NHSL1: variants seen among roughly 807,000 people sequenced by gnomAD.
NHSL1 encodes the protein NHS like 1, also known as NHS-like protein 1.
In NHSL1, 48 loss-of-function variants were observed where a neutral mutation model predicts 95.0. That is an observed-to-expected ratio of 0.51 (90% confidence interval 0.40 to 0.64). The LOEUF is 0.64. Among genes scored for constraint, NHSL1 ranks in the 30% least tolerant of loss-of-function variants. The pLI, the probability that NHSL1 is intolerant of heterozygous loss-of-function variation, is 0.00. For synonymous variants in NHSL1, 783 were observed against 833.9 expected, an observed-to-expected ratio of 0.94 and a Z score of 1.05; for missense variants, 1,971 against 2,077.7, an observed-to-expected ratio of 0.95 and a Z score of 1.00.
At chr6:138,591,855 A>T (rs992296824) in intron 1 of NHSL1, among the ~76,000 whole-genome samples, 1 of 152,144 alleles carries the variant, frequency 6.6e-6, no homozygotes, top group Non-Finnish European at 1.5e-5. Flanking sequence ...CATGCTGTGG[A>T]CACACACTCT....
chr6:138,528,200 T>A (rs1323949669), intron 1 of NHSL1, among the ~76,000 whole-genome samples: 6 of 152,192 alleles, frequency 3.9e-5, no homozygotes, highest in African/African-American at 9.7e-5. Context: ...CAAGATTTTA[T>A]TTCTTGTATT....
intron 1 of NHSL1, among the ~76,000 whole-genome samples, chr6:138,663,172 T>G (rs1468554036): frequency 6.6e-6 from 1 of 152,098 alleles, no homozygotes; most frequent in Non-Finnish European, 1.5e-5. Context: ...TAATGTATAG[T>G]TAGTAACAGC....
In NHSL1 at chr6:138,541,224, G is replaced by A. The variant is rs942524239; in HGVS notation, c.16+4399C>T. On this transcript the variant is annotated intron_variant, in intron 1 of 4. Coordinates refer to the NHSL1 transcript ENST00000342260. The stretch of plus-strand genomic sequence containing the variant: ...TCTAATAAAAATACAAAAATTAGCC[G>A]GACAAGGTGGTGTATGCCTGTAGTC... 6.6e-5 allele frequency among the ~76,000 whole-genome samples: 10 copies of A among 152,080 alleles called. No individual in the cohort carries two copies. The East Asian group carries it at 7.7e-4, about 12-fold the overall frequency.
Position 138,655,701 on chromosome 6 carries a change from CA to C in NHSL1, c.96+36774del, listed in dbSNP as rs901474901. 5.5e-4 allele frequency among the ~76,000 whole-genome samples: 83 copies of C among 152,084 alleles called. 1 individual carries two copies. Among genetic ancestry groups the C allele is most frequent in the African/African-American group, 1.9e-3 (79 of 41,406 alleles). On this transcript the variant is annotated intron_variant, in intron 1 of 3. Transcript: ENST00000491526. Reference sequence around the variant, plus strand: ...CTTTGAAACTAAAAAAAAATTTCAGCAAAGCCACATGAAGTACTACCACTTT... The same window carrying C: ...CTTTGAAACTAAAAAAAAATTTCAGCAAGCCACATGAAGTACTACCACTTT...
Position 138,455,507 on chromosome 6 carries a change from A to G in NHSL1, c.340-8314T>C, listed in dbSNP as rs7773494. Among the ~76,000 whole-genome samples, 272 of 72,580 alleles carry G rather than the reference A, an allele frequency of 3.7e-3. 4 individuals are homozygous for G. The highest frequency in any genetic ancestry group is 1.0e-2 in the African/African-American group (133 of 13,350). The allele number at this position is 72,580 out of a possible 152,430, so 47.6% of individuals were successfully genotyped here. A position where few individuals can be genotyped will look rare whatever the true frequency, so the allele number is the denominator to read the frequency against. ...GCTCCCTGCAAGGAGCCCCGCCTTCACATGCTCCCTGCAAGGAGCCCCGCC... is the reference window on the plus strand; with the variant it reads ...GCTCCCTGCAAGGAGCCCCGCCTTCGCATGCTCCCTGCAAGGAGCCCCGCC... On this transcript the variant is annotated intron_variant, in intron 3 of 7. Transcript: ENST00000343505.
chr6:138,584,981 A>C (rs1784111810), intron 1 of NHSL1, among the ~76,000 whole-genome samples: 1 of 152,206 alleles, frequency 6.6e-6, no homozygotes, highest in Admixed American at 6.5e-5. Flanking sequence ...TAACAGCTGT[A>C]CTCACCCTTG....
chr6:138,670,895 C>A (rs1204485500), intron 1 of NHSL1, among the ~76,000 whole-genome samples: 3 of 152,068 alleles, frequency 2.0e-5, no homozygotes, highest in Non-Finnish European at 4.4e-5. Flanking sequence ...TGGCTCAATG[C>A]CTGTAATCCC....
At chr6:138,499,100 C>T in intron 1 of NHSL1, 133 bp downstream of exon 1, 1 of 631,316 alleles carries the variant, frequency 1.6e-6, no homozygotes, top group South Asian at 2.0e-5. Flanking sequence ...AATTTCTTCA[C>T]ACAAAAGAAC....
At chr6:138,657,926 T>C (rs1785178853) in intron 1 of NHSL1, among the ~76,000 whole-genome samples, 1 of 150,972 alleles carries the variant, frequency 6.6e-6, no homozygotes, top group Non-Finnish European at 1.5e-5. Flanking sequence ...GATTTAATAT[T>C]TAAAAATATT....
At position 138,430,591 on chromosome 6, in the gene NHSL1, C is replaced by T. The variant is rs1320075550; in HGVS notation, c.3754G>A (p.Gly1252Ser). Reference protein sequence around the residue: ...EAKESSAAQAGSHATHPGTSV... With the variant: ...EAKESSAAQASSHATHPGTSV... ...GTGCCAGGGTGCGTGGCATGAGAGC[C>T]AGCTTGGGCTGCAGAACTCTCTTTT... Residue 1252 changes from glycine (G) to serine (S), a missense_variant, in exon 6 of 8, where the codon GGC becomes AGC. Coordinates refer to ENST00000343505, the MANE Select transcript of NHSL1 (RefSeq NM_001144060.2). This position sits in a 1 kb window ranked among gnomAD's most constrained non-coding sequence, Gnocchi z 4.7. The T allele has an allele frequency of 1.3e-6, 2 of 1,550,108 alleles. No individual in the cohort carries two copies. The highest frequency in any genetic ancestry group is 3.9e-5 in the Admixed American group (2 of 50,954).
intron 1 of NHSL1, among the ~76,000 whole-genome samples, chr6:138,596,523 C>T (rs1784304169): frequency 6.6e-6 from 1 of 152,182 alleles, no homozygotes. Context: ...TGCTGAGACA[C>T]ATCATGACAT....
At chr6:138,632,539 G>A (rs1164469583) in intron 1 of NHSL1, among the ~76,000 whole-genome samples, 1 of 152,066 alleles carries the variant, frequency 6.6e-6, no homozygotes, top group African/African-American at 2.4e-5. Flanking sequence ...ACCTTTTTTG[G>A]GAGAAAGGGA....
chr6:138,434,381 G>A (rs1583155347), intron 5 of NHSL1, among the ~76,000 whole-genome samples: 1 of 150,928 alleles, frequency 6.6e-6, no homozygotes, highest in East Asian at 2.0e-4. Context: ...ATTCGTTGGA[G>A]TTTTACAACC....
upstream of NHSL1, among the ~76,000 whole-genome samples, chr6:138,549,824 C>A (rs1782933801): frequency 6.6e-6 from 1 of 152,148 alleles, no homozygotes; most frequent in Non-Finnish European, 1.5e-5. Flanking sequence ...CACATACCAA[C>A]CTCTATTAAA....
At chr6:138,628,739 C>T (rs1486283768) in intron 1 of NHSL1, among the ~76,000 whole-genome samples, 2 of 152,140 alleles carry the variant, frequency 1.3e-5, no homozygotes, top group African/African-American at 4.8e-5. Flanking sequence ...CAGAGTAAGA[C>T]CCTGTTTCAA....
At chr6:138,643,929 C>T (rs566433852) in intron 1 of NHSL1, among the ~76,000 whole-genome samples, 4 of 150,618 alleles carry the variant, frequency 2.7e-5, no homozygotes, top group Non-Finnish European at 5.9e-5. Flanking sequence ...ACCCAGGAGG[C>T]GGAGGCTGCT....
At chr6:138,514,433 T>C (rs549821260) in intron 1 of NHSL1, among the ~76,000 whole-genome samples, 4 of 152,348 alleles carry the variant, frequency 2.6e-5, no homozygotes, top group Admixed American at 2.6e-4. Context: ...AGTGGATGCC[T>C]AAAACCACAG....
rs192406318 is a variant in NHSL1 at position 138,439,355 on chromosome 6, A to G, written c.664+2628T>C. On this transcript the variant is annotated intron_variant, in intron 5 of 7. Coordinates refer to ENST00000343505, the MANE Select transcript of NHSL1 (RefSeq NM_001144060.2). ...TTGTGTGTCTTATATCTAGAAGAAG[A>G]CTAATTTTAAAGAAAATATAAAGTG... Among the ~76,000 whole-genome samples the G allele has an allele frequency of 2.6e-4, 39 of 152,286 alleles. No homozygotes were observed. The East Asian group carries it at 4.6e-3, about 18-fold the overall frequency.
At chr6:138,529,677 T>C (rs1263529253) in intron 1 of NHSL1, among the ~76,000 whole-genome samples, 2 of 152,172 alleles carry the variant, frequency 1.3e-5, no homozygotes, top group Non-Finnish European at 2.9e-5. Flanking sequence ...CTTCTCAGTC[T>C]CCTACTGCTC....
Sources: allele counts gnomAD v4.1 joint callset (sites outside exome capture counted in the v4.1 genomes callset), GRCh38; gene constraint gnomAD v4.1.1; non-coding constraint Gnocchi (gnomAD v3.1); transcripts MANE v1.5; gene names NCBI Gene and HGNC (gene_info 2026-07-23, HGNC 2026-07-21).